SRR: variants seen among roughly 807,000 people sequenced by gnomAD.
The protein encoded by SRR is serine racemase.
In SRR, 19 loss-of-function variants were observed where a neutral mutation model predicts 32.7. The ratio of observed to expected loss-of-function variants is 0.58; its 90% CI spans 0.40 to 0.85. The LOEUF is 0.85. Ranked by LOEUF, SRR falls within the 40% of genes least tolerant of loss-of-function variation. The pLI, the probability that SRR is intolerant of heterozygous loss-of-function variation, is 0.00. For synonymous variants in SRR, 142 were observed against 140.9 expected (o/e 1.01, Z -0.06); for missense variants, 373 against 404.7 (o/e 0.92, Z 0.67).
At chr17:2,315,227 C>T (rs1168199016) in intron 1 of SRR, among the ~76,000 whole-genome samples, 2 of 137,360 alleles carry the variant, frequency 1.5e-5, no homozygotes, top group Non-Finnish European at 3.0e-5. Flanking sequence ...GGCTACAGAG[C>T]GAGACTCCGT....
chr17:2,310,090 G>A (rs879352016), intron 1 of SRR: 7 of 143,400 alleles, frequency 4.9e-5, no homozygotes, highest in Non-Finnish European at 1.1e-4. Context: ...ATTTCTTCAT[G>A]GATTCCATGA....
At chr17:2,314,690 T>A (rs2075458040) in intron 1 of SRR, among the ~76,000 whole-genome samples, 1 of 149,826 alleles carries the variant, frequency 6.7e-6, no homozygotes, top group Non-Finnish European at 1.5e-5. Flanking sequence ...GATGTGGAGG[T>A]TGTGGTGAGC....
intron 7 of SRR, 149 bp downstream of exon 7, chr17:2,323,494 C>A: frequency 8.7e-7 from 1 of 1,146,518 alleles, no homozygotes. Context: ...TAATGACAAC[C>A]CTCTTGACAG....
chr17:2,310,872 G>A (rs1046379648), intron 1 of SRR, among the ~76,000 whole-genome samples: 4 of 151,776 alleles, frequency 2.6e-5, no homozygotes, highest in South Asian at 2.1e-4. Context: ...TCAGCCTCCC[G>A]AGTAGCTGGG....
In SRR at chr17:2,319,060, T is replaced by C. The variant is rs2075503092; in HGVS notation, c.399+131T>C. 1.0e-5 allele frequency: 6 copies of C among 589,800 alleles called. No homozygotes were observed. In the South Asian group the frequency reaches 1.2e-4, roughly 12 times the overall value. 36.5% of individuals were successfully genotyped at this position (589,800 alleles called of 1,614,324 possible). On this transcript the variant is annotated intron_variant, in intron 4 of 7. Coordinates refer to ENST00000344595, the MANE Select transcript of SRR (RefSeq NM_021947.3). ...TATTTCTGTTAGCATGCTCAACCTT[T>C]TCTCTATCTACACTCACAAGATCTC...
At chr17:2,319,700 C>T (rs773465419) in intron 4 of SRR, among the ~76,000 whole-genome samples, 19 of 152,202 alleles carry the variant, frequency 1.2e-4, no homozygotes, top group Non-Finnish European at 2.4e-4. Context: ...AAACCAACAT[C>T]AATTCTCACC....
chr17:2,314,822 TCTAG>T (rs898760977), intron 1 of SRR, among the ~76,000 whole-genome samples: 35 of 151,806 alleles, frequency 2.3e-4, no homozygotes, highest in Admixed American at 6.6e-5. Flanking sequence ...AATGGAATAG[TCTAG>T]CTATTTTTTC....
At chr17:2,303,655 C>A, upstream of SRR, 2 of 1,489,982 alleles carry the variant, frequency 1.3e-6, no homozygotes, top group South Asian at 2.5e-5. Context: ...CCTGCGGGGC[C>A]AGAGTAGCCA....
At chr17:2,323,390 T>C (rs1356742624) in intron 7 of SRR, 45 bp downstream of exon 7, 1 of 1,608,764 alleles carries the variant, frequency 6.2e-7, no homozygotes, top group South Asian at 1.1e-5. Context: ...TGGTGTAACT[T>C]CTTAGGCAGA....
intron 1 of SRR, chr17:2,306,879 C>A: frequency 1.1e-6 from 1 of 907,040 alleles, no homozygotes; most frequent in Non-Finnish European, 1.8e-6. Context: ...GGGGAACACT[C>A]GCGGACTGTG....
At chr17:2,303,519 T>C, upstream of SRR, 4 of 1,331,738 alleles carry the variant, frequency 3.0e-6, no homozygotes, top group Non-Finnish European at 2.9e-6. Flanking sequence ...CGCCTACTGC[T>C]GGGGGAAGGG....
At chr17:2,315,976 T>TTA (rs1042689503) in intron 2 of SRR, among the ~76,000 whole-genome samples, 1 of 152,080 alleles carries the variant, frequency 6.6e-6, no homozygotes, top group Non-Finnish European at 1.5e-5. Flanking sequence ...CGAGTAATTT[T>TTA]TATATATATG....
Position 2,306,811 on chromosome 17 carries a change from A to G in SRR, c.-5+2794A>G, listed in dbSNP as rs2075394500. On this transcript the variant is annotated intron_variant, in intron 1 of 7. Transcript: ENST00000344595. ...GCTCGTACAGCTGAAGAAGCTCTTC[A>G]TTGGAGGGCTGAGCTTTGAAACAAC... is the stretch of plus-strand genomic sequence containing the variant. 2.0e-5 allele frequency: 15 copies of G among 750,946 alleles called. 1 individual carries two copies. Among genetic ancestry groups the G allele is most frequent in the Non-Finnish European group, 3.6e-5 (15 of 418,354 alleles). 46.5% of individuals were successfully genotyped at this position (750,946 alleles called of 1,614,324 possible).
intron 6 of SRR, chr17:2,322,890 G>C (rs986648278): frequency 1.1e-5 from 5 of 449,508 alleles, no homozygotes; most frequent in African/African-American, 2.0e-5. Flanking sequence ...TCAGCCTCTT[G>C]AGTAGCTGGG....
In SRR at chr17:2,323,703, A is replaced by G. The variant is rs1248436871; in HGVS notation, c.853A>G (p.Thr285Ala). ...WERMKLLIEP[T>A]AGVGVAAVLS... ...GAGGATGAAACTACTCATTGAACCT[A>G]CAGCTGGTGTTGGAGTGGCTGCTGT... is the stretch of plus-strand genomic sequence containing the variant. The change falls in exon 8 of 8, where the codon ACA becomes GCA. Residue 285 changes from threonine (T) to alanine (A), a missense_variant. Coordinates refer to ENST00000344595, the MANE Select transcript of SRR (RefSeq NM_021947.3). 1 of 1,614,168 alleles carries G rather than the reference A, an allele frequency of 6.2e-7. No individual in the cohort carries two copies. Among genetic ancestry groups the G allele is most frequent in the East Asian group, 2.2e-5 (1 of 44,888 alleles).
chr17:2,310,647 C>T (rs1326153883), intron 1 of SRR, among the ~76,000 whole-genome samples: 2 of 151,348 alleles, frequency 1.3e-5, no homozygotes, highest in Admixed American at 6.6e-5. Context: ...GGAACATTCT[C>T]GGCTTACTGC....
chr17:2,323,991 G>A lies in SRR; in HGVS notation c.*118G>A. On this transcript the variant is annotated 3_prime_UTR_variant, in exon 8 of 8. Transcript: ENST00000344595. ...TAATGGAGAGTGGCTATTTCATTAA[G>A]ATTTAATAGTTTTTTTTGGACTAAG... 1 of 1,158,764 alleles carries A rather than the reference G, an allele frequency of 8.6e-7. No individual in the cohort carries two copies. The highest frequency in any genetic ancestry group is 1.2e-6 in the Non-Finnish European group (1 of 829,040). The allele number at this position is 1,158,764 out of a possible 1,614,324, so 71.8% of individuals were successfully genotyped here. A position where few individuals can be genotyped will look rare whatever the true frequency, so the allele number is the denominator to read the frequency against.
In SRR at chr17:2,315,688, T is replaced by C; in HGVS notation, c.128T>C (p.Phe43Ser). 2 of 1,614,124 alleles carry C rather than the reference T, an allele frequency of 1.2e-6. No homozygotes were observed. The highest frequency in any genetic ancestry group is 1.7e-6 in the Non-Finnish European group (2 of 1,180,030). Residue 43 changes from phenylalanine (F) to serine (S), a missense_variant, in exon 2 of 8, where the codon TTC becomes TCC. By Grantham distance (155) the Phe-to-Ser change is radical (BLOSUM62 -2). Transcript: ENST00000344595. ...AATCAACTAACAGGGCGCAATCTTT[T>C]CTTCAAATGTGAACTCTTCCAGAAA... ...ILNQLTGRNL[F>S]FKCELFQKTG...
Position 2,315,187 on chromosome 17 carries a change from G to A in SRR, c.-4-370G>A, listed in dbSNP as rs1440676148. On this transcript the variant is annotated intron_variant, in intron 1 of 7. Transcript: ENST00000344595. ...ACCCGGGAGGCGGAGGTTGCAGTGA[G>A]CCGAGATTGTGCCACTGCACTCCAG... is the stretch of plus-strand genomic sequence containing the variant. 2.0e-5 allele frequency among the ~76,000 whole-genome samples: 3 copies of A among 150,756 alleles called. No homozygotes were observed. The East Asian group carries it at 5.9e-4, about 30-fold the overall frequency.
Sources: allele counts gnomAD v4.1 joint callset (sites outside exome capture counted in the v4.1 genomes callset), GRCh38; gene constraint gnomAD v4.1.1; transcripts MANE v1.5; gene names NCBI Gene and HGNC (gene_info 2026-07-23, HGNC 2026-07-21).